CTNND2: variants seen among roughly 807,000 people sequenced by gnomAD.
CTNND2 encodes catenin delta-2.
CTNND2 carries 22 observed loss-of-function variants against 144.4 expected under a neutral mutation model. The ratio of observed to expected loss-of-function variants is 0.15; its 90% confidence interval spans 0.11 to 0.22. CTNND2 has a LOEUF of 0.22. Among genes scored for constraint, CTNND2 ranks in the 10% least tolerant of loss-of-function variants. CTNND2 has a pLI of 1.00. For synonymous variants in CTNND2, 751 were observed against 695.6 expected (o/e 1.08, Z -1.25); for missense variants, 1,353 against 1,618.8 (o/e 0.84, Z 2.82).
intron 1 of CTNND2, among the ~76,000 whole-genome samples, chr5:11,879,410 G>T: frequency 7.4e-6 from 1 of 135,940 alleles, no homozygotes. Context: ...CCTGTGCATG[G>T]GCATATACAA....
chr5:11,221,014 G>C (rs1445081255), intron 10 of CTNND2, among the ~76,000 whole-genome samples: 1 of 152,228 alleles, frequency 6.6e-6, no homozygotes, highest in Non-Finnish European at 1.5e-5. Flanking sequence ...AAGAAGGATT[G>C]TAAGTACAGA....
chr5:11,340,715 A>G (rs1754173027), intron 9 of CTNND2, among the ~76,000 whole-genome samples: 1 of 152,204 alleles, frequency 6.6e-6, no homozygotes, highest in Admixed American at 6.5e-5. Context: ...AAGACTTGGC[A>G]TTTTGTTTGA....
intron 3 of CTNND2, among the ~76,000 whole-genome samples, chr5:11,558,266 G>A (rs1190562438): frequency 6.6e-6 from 1 of 152,104 alleles, no homozygotes; most frequent in East Asian, 1.9e-4. Flanking sequence ...GTCACGTACA[G>A]AAAGGGCTCA....
At chr5:11,331,022 C>T (rs570430422) in intron 9 of CTNND2, among the ~76,000 whole-genome samples, 1 of 152,292 alleles carries the variant, frequency 6.6e-6, no homozygotes, top group South Asian at 2.1e-4. Flanking sequence ...ACAGCAAATA[C>T]ATAGCAAGGC....
intron 5 of CTNND2, among the ~76,000 whole-genome samples, chr5:11,403,866 A>T (rs1396897384): frequency 2.0e-5 from 3 of 152,192 alleles, no homozygotes; most frequent in Admixed American, 6.5e-5. Context: ...CACATCACAC[A>T]TTTGCCCCCC....
chr5:11,324,105 C>G (rs1014230151), intron 9 of CTNND2, among the ~76,000 whole-genome samples: 2 of 152,126 alleles, frequency 1.3e-5, no homozygotes, highest in Non-Finnish European at 2.9e-5. Context: ...GTCCTTGGAT[C>G]GCTAAGCTAC....
chr5:11,374,690 T>C (rs1397378386), intron 7 of CTNND2, among the ~76,000 whole-genome samples: 1 of 151,804 alleles, frequency 6.6e-6, no homozygotes, highest in Non-Finnish European at 1.5e-5. Flanking sequence ...ACAGTGCATC[T>C]GGAGTCTGGC....
chr5:11,586,060 A>G (rs183724265), intron 2 of CTNND2, among the ~76,000 whole-genome samples: 86 of 152,324 alleles, frequency 5.6e-4, no homozygotes, highest in Non-Finnish European at 1.1e-3. Context: ...TCTGCTCTGC[A>G]TAGAGTAGTA....
chr5:11,554,716 G>A (rs1222323696), intron 3 of CTNND2, among the ~76,000 whole-genome samples: 2 of 151,972 alleles, frequency 1.3e-5, no homozygotes, highest in Non-Finnish European at 2.9e-5. Flanking sequence ...TAAGATCAGA[G>A]TGAAAGTATG....
In CTNND2 at chr5:11,760,049, C is replaced by CA. The variant is rs33988550; in HGVS notation, c.38-27778dup. Among the ~76,000 whole-genome samples, 1,116 of 117,572 alleles carry CA rather than the reference C, an allele frequency of 9.5e-3. 7 individuals carry two copies. Among genetic ancestry groups the CA allele is most frequent in the African/African-American group, 0.027 (952 of 35,078 alleles). 77.1% of individuals were successfully genotyped at this position (117,572 alleles called of 152,430 possible). A position where few individuals can be genotyped will look rare whatever the true frequency, so the allele number is the denominator to read the frequency against. On this transcript the variant is annotated intron_variant, in intron 1 of 21. Transcript: ENST00000304623. ...AGTACTTGGCATTGAGTACTGGATG[C>CA]AAAAAAAAAAAAAAAAAAAAATCCT...
At chr5:11,364,131 A>G (rs905893256) in intron 8 of CTNND2, among the ~76,000 whole-genome samples, 7 of 152,218 alleles carry the variant, frequency 4.6e-5, no homozygotes, top group Non-Finnish European at 8.8e-5. Context: ...GAAAATATAT[A>G]TTTAATCCAG....
intron 2 of CTNND2, among the ~76,000 whole-genome samples, chr5:11,596,668 A>G (rs16901779): frequency 0.047 from 7,187 of 152,226 alleles, 287 homozygotes; most frequent in East Asian, 0.14. Flanking sequence ...AAAATCCTTT[A>G]CATTTAGGCT....
chr5:11,643,066 A>G (rs1782150230), intron 2 of CTNND2, among the ~76,000 whole-genome samples: 1 of 152,158 alleles, frequency 6.6e-6, no homozygotes, highest in African/African-American at 2.4e-5. Context: ...TATAACAGCA[A>G]AGAAACAGAT....
At chr5:11,331,499 C>A (rs1193490599) in intron 9 of CTNND2, among the ~76,000 whole-genome samples, 1 of 151,996 alleles carries the variant, frequency 6.6e-6, no homozygotes, top group Non-Finnish European at 1.5e-5. Flanking sequence ...TTTGGCAGGT[C>A]GCTTTCATTT....
At chr5:11,504,776 G>A (rs948655386) in intron 3 of CTNND2, among the ~76,000 whole-genome samples, 1 of 152,162 alleles carries the variant, frequency 6.6e-6, no homozygotes, top group Non-Finnish European at 1.5e-5. Context: ...CTGAGCCTGG[G>A]ACTAGGGCAA....
chr5:11,653,087 G>C (rs1435754779), intron 2 of CTNND2, among the ~76,000 whole-genome samples: 1 of 148,868 alleles, frequency 6.7e-6, no homozygotes, highest in South Asian at 2.1e-4. Flanking sequence ...GTGTGTGTGT[G>C]TGTGTGTGTG....
intron 2 of CTNND2, among the ~76,000 whole-genome samples, chr5:11,604,629 T>A (rs1309232487): frequency 6.6e-6 from 1 of 152,196 alleles, no homozygotes; most frequent in Middle Eastern, 3.2e-3. Flanking sequence ...GCTTTTCACA[T>A]CTTAGTTCTT....
chr5:11,073,549 T>C (rs1003837466), intron 16 of CTNND2, among the ~76,000 whole-genome samples: 25 of 152,370 alleles, frequency 1.6e-4, no homozygotes, highest in African/African-American at 5.5e-4. Flanking sequence ...TTAATTCTTA[T>C]TTAATAGAAT....
chr5:11,857,425 A>T (rs937425236), intron 1 of CTNND2, among the ~76,000 whole-genome samples: 1 of 152,330 alleles, frequency 6.6e-6, no homozygotes, highest in South Asian at 2.1e-4. Flanking sequence ...AGGGTGTGTC[A>T]GCAGGCCGTG....
Sources: allele counts gnomAD v4.1 joint callset (sites outside exome capture counted in the v4.1 genomes callset), GRCh38; gene constraint gnomAD v4.1.1; transcripts MANE v1.5; gene names NCBI Gene and HGNC (gene_info 2026-07-23, HGNC 2026-07-21).